The following ASB4 variants were observed in gnomAD, a reference collection of about 807,000 sequenced individuals.
ASB4 encodes the protein ankyrin repeat and SOCS box protein 4.
Under a neutral mutation model 38.6 loss-of-function variants are expected in ASB4, and 35 were observed. That is an observed-to-expected ratio of 0.91 (90% CI 0.69 to 1.20). The LOEUF is 1.20. ASB4 is among the 50% of genes most tolerant of loss of function. The pLI is 0.00. For missense variants in ASB4, 557 were observed against 527.2 expected (o/e 1.06, Z -0.55); for synonymous variants, 195 against 201.3 (o/e 0.97, Z 0.26).
At chr7:95,503,741 C>T (rs62467678) in intron 2 of ASB4, among the ~76,000 whole-genome samples, 6,599 of 152,174 alleles carry the variant, frequency 0.043, 179 homozygotes, top group South Asian at 0.072. Flanking sequence ...CACAGAAGTC[C>T]GTTAGAGGAA....
chr7:95,509,414 C>A (rs1319671652), intron 2 of ASB4, among the ~76,000 whole-genome samples: 2 of 152,132 alleles, frequency 1.3e-5, no homozygotes, highest in Non-Finnish European at 2.9e-5. Flanking sequence ...TGGTGACCAA[C>A]GCCATGTCTC....
chr7:95,551,116 G>A, the ASB4 span, among the ~76,000 whole-genome samples: 1 of 152,090 alleles, frequency 6.6e-6, no homozygotes, highest in South Asian at 2.1e-4. Flanking sequence ...GAATAGCTGG[G>A]ACTACAAGCG....
At chr7:95,483,042 G>A (rs139856800), upstream of ASB4, among the ~76,000 whole-genome samples, 146 of 152,244 alleles carry the variant, frequency 9.6e-4, 1 homozygote, top group African/African-American at 3.4e-3. Context: ...GTTCTTCATC[G>A]TCCTTGTCAG....
chr7:95,550,494 T>C, the ASB4 span, among the ~76,000 whole-genome samples: 1 of 152,202 alleles, frequency 6.6e-6, no homozygotes, highest in Non-Finnish European at 1.5e-5. Flanking sequence ...TCTGTGCTCC[T>C]CTAGCCTTCA....
upstream of ASB4, among the ~76,000 whole-genome samples, chr7:95,476,227 T>G (rs1397411923): frequency 6.6e-6 from 1 of 152,204 alleles, no homozygotes; most frequent in Admixed American, 6.5e-5. Context: ...CACCTAATAA[T>G]AACTCAGTCA....
At chr7:95,488,695 T>C (rs1284681908) in intron 1 of ASB4, among the ~76,000 whole-genome samples, 1 of 152,238 alleles carries the variant, frequency 6.6e-6, no homozygotes, top group East Asian at 1.9e-4. Flanking sequence ...TGCTACACAC[T>C]GCTCTTTGAT....
At position 95,487,285 on chromosome 7, in the gene ASB4, G is replaced by T. The variant is rs559966260; in HGVS notation, c.187+1127G>T. Among the ~76,000 whole-genome samples, 23 of 152,292 alleles carry T rather than the reference G, an allele frequency of 1.5e-4. No homozygotes were observed. The East Asian group carries it at 2.5e-3, about 17-fold the overall frequency. ...AATGGCATTAATATTTTGATGGGAA[G>T]ACAAAGAAGGGATCTATTTTTTAAA... On this transcript the variant is annotated intron_variant, in intron 1 of 4. Transcript: ENST00000325885.
chr7:95,485,077 TACAC>T (rs1170287346), upstream of ASB4, among the ~76,000 whole-genome samples: 1 of 151,250 alleles, frequency 6.6e-6, no homozygotes, highest in African/African-American at 2.4e-5. Flanking sequence ...TATATACACA[TACAC>T]ACACATCTAT....
chr7:95,540,050 C>G lies in ASB4; in HGVS notation c.*2291C>G, dbSNP rs1790948943. On this transcript the variant is annotated 3_prime_UTR_variant, in exon 5 of 5. Transcript: ENST00000325885. ...GCTGAGGACAAAGGGAGAAGATGTTCCTCGCCCAGGGAAATGAAAACTTTT... is the reference window on the plus strand; with the variant it reads ...GCTGAGGACAAAGGGAGAAGATGTTGCTCGCCCAGGGAAATGAAAACTTTT... 6.6e-6 allele frequency: 1 copy of G among 152,136 alleles called. No individual in the cohort carries two copies. The highest frequency in any genetic ancestry group is 1.5e-5 in the Non-Finnish European group (1 of 68,002). 9.4% of individuals were successfully genotyped at this position (152,136 alleles called of 1,614,324 possible).
chr7:95,500,528 C>T (rs1790319710), intron 2 of ASB4, among the ~76,000 whole-genome samples: 1 of 133,364 alleles, frequency 7.5e-6, no homozygotes, highest in African/African-American at 2.9e-5. Flanking sequence ...TATTATTGGA[C>T]CACTGCACAC....
Position 95,534,699 on chromosome 7 carries a change from C to T in ASB4, c.979-1738C>T, listed in dbSNP as rs143171764. Among the ~76,000 whole-genome samples, 126 of 152,304 alleles carry T rather than the reference C, an allele frequency of 8.3e-4. No individual in the cohort carries two copies. The East Asian group carries it at 0.017, about 21-fold the overall frequency. ...CTTTATGTTAGTCTTTTATTATTTA[C>T]TGACTTATATTGCTCTCTAACTCTT... On this transcript the variant is annotated intron_variant, in intron 3 of 4. Coordinates refer to ENST00000325885, the MANE Select transcript of ASB4 (RefSeq NM_016116.3).
At chr7:95,501,731 C>A (rs1790340811) in intron 2 of ASB4, among the ~76,000 whole-genome samples, 1 of 152,138 alleles carries the variant, frequency 6.6e-6, no homozygotes, top group Non-Finnish European at 1.5e-5. Context: ...CCTTTCCCAG[C>A]CGGTACAGTT....
At chr7:95,486,622 C>T (rs1251119467) in intron 1 of ASB4, among the ~76,000 whole-genome samples, 1 of 152,214 alleles carries the variant, frequency 6.6e-6, no homozygotes, top group Non-Finnish European at 1.5e-5. Flanking sequence ...ATCTCCCCAA[C>T]ATTTGGAGGG....
chr7:95,478,248 C>G (rs1308529817), upstream of ASB4, among the ~76,000 whole-genome samples: 1 of 152,000 alleles, frequency 6.6e-6, no homozygotes, highest in Admixed American at 6.6e-5. Flanking sequence ...GTAAATTATT[C>G]CCTCGAGTTG....
At chr7:95,487,758 T>C (rs567049145) in intron 1 of ASB4, among the ~76,000 whole-genome samples, 7 of 152,340 alleles carry the variant, frequency 4.6e-5, no homozygotes, top group African/African-American at 1.7e-4. Flanking sequence ...GGTGTTTTCA[T>C]AGTGTTAGGA....
chr7:95,485,036 GTATATATATGTGTATATATGTA>G (rs1790069310), upstream of ASB4, among the ~76,000 whole-genome samples: 1 of 148,168 alleles, frequency 6.7e-6, no homozygotes, highest in Non-Finnish European at 1.5e-5. Context: ...ATGTATATAT[GTATATATATGTGTATATATGTA>G]TATATATGTA....
rs1367344309 is a variant in ASB4 at position 95,539,746 on chromosome 7, A to G, written c.*1987A>G. 6.6e-6 allele frequency: 1 copy of G among 152,298 alleles called. No homozygotes were observed. Among genetic ancestry groups the G allele is most frequent in the Non-Finnish European group, 1.5e-5 (1 of 68,112 alleles). The allele number at this position is 152,298 out of a possible 1,614,324, so 9.4% of individuals were successfully genotyped here. A position where few individuals can be genotyped will look rare whatever the true frequency, so the allele number is the denominator to read the frequency against. The stretch of plus-strand genomic sequence containing the variant: ...GGGGACTTGCAAGGGGAAGCTTGAG[A>G]GTGGGGTGAGGGATAAAAGACTACA... On this transcript the variant is annotated 3_prime_UTR_variant, in exon 5 of 5. Transcript: ENST00000325885.
intron 2 of ASB4, among the ~76,000 whole-genome samples, chr7:95,502,389 T>G (rs199681056): frequency 1.2e-5 from 1 of 83,396 alleles, no homozygotes; most frequent in South Asian, 3.8e-4. Context: ...GGTACCAGCC[T>G]GCGGGGGGGG....
intron 2 of ASB4, among the ~76,000 whole-genome samples, chr7:95,498,100 A>G (rs1406586766): frequency 6.6e-6 from 1 of 152,242 alleles, no homozygotes; most frequent in Non-Finnish European, 1.5e-5. Flanking sequence ...TGTTTTCCAA[A>G]GTAGTTCTGT....
Sources: gnomAD v4.1 joint callset for allele counts (sites outside exome capture counted in the v4.1 genomes callset) on GRCh38, gnomAD v4.1.1 for gene constraint, MANE v1.5 for transcripts, NCBI Gene and HGNC (gene_info 2026-07-23, HGNC 2026-07-21) for gene names.